WDR76: variants seen among roughly 807,000 people sequenced by gnomAD.
WDR76 encodes the protein WD repeat-containing protein 76.
Under a neutral mutation model 70.2 loss-of-function variants are expected in WDR76, and 52 were observed. The observed-to-expected ratio is 0.74, with a 90% CI of 0.59 to 0.93. The LOEUF is 0.93. WDR76 is among the 40% of genes least tolerant of loss of function. WDR76 has a pLI of 0.00. For synonymous variants in WDR76, 292 were observed against 271.1 expected (o/e 1.08, Z -0.76); for missense variants, 756 against 760.2 (o/e 0.99, Z 0.07).
intron 8 of WDR76, among the ~76,000 whole-genome samples, chr15:43,845,794 C>G (rs566233398): frequency 1.5e-4 from 23 of 150,322 alleles, no homozygotes; most frequent in African/African-American, 5.6e-4. Context: ...AGTTAATGTT[C>G]TCTGAATTTA....
chr15:43,845,014 T>G (rs2140304102), intron 8 of WDR76, among the ~76,000 whole-genome samples: 1 of 127,920 alleles, frequency 7.8e-6, no homozygotes, highest in African/African-American at 2.8e-5. Flanking sequence ...CAGGCTGGAG[T>G]GCAGTGGTGT....
chr15:43,863,021 C>T (rs746958371), intron 12 of WDR76, among the ~76,000 whole-genome samples: 5 of 152,068 alleles, frequency 3.3e-5, no homozygotes, highest in African/African-American at 4.8e-5. Context: ...CTGCAGCCTC[C>T]GCCTCCTGGG....
rs1009410702 is a variant in WDR76, at chr15:43,827,002, G to C, written c.-31G>C. The C allele has an allele frequency of 3.7e-6, 6 of 1,612,190 alleles. No homozygotes were observed. Among genetic ancestry groups the C allele is most frequent in the Non-Finnish European group, 5.1e-6 (6 of 1,179,578 alleles). On this transcript the variant is annotated 5_prime_UTR_variant, in exon 1 of 13. Transcript: ENST00000263795. ...CCCGGCCTCCCGCCGCAATCTTGGC[G>C]GGAAGGCGCCGGCCGCTAAGAAGCC...
intron 2 of WDR76, among the ~76,000 whole-genome samples, chr15:43,833,562 G>T (rs904215074): frequency 1.3e-5 from 2 of 151,376 alleles, no homozygotes; most frequent in African/African-American, 2.4e-5. Context: ...CTTGTGATCT[G>T]CCTGCCTCTG....
In WDR76 at chr15:43,868,203, A is replaced by G. The variant is rs917446801; in HGVS notation, c.*1811A>G. On this transcript the variant is annotated 3_prime_UTR_variant, in exon 13 of 13. Coordinates refer to ENST00000263795, the MANE Select transcript of WDR76 (RefSeq NM_024908.4). ...AGGTTGAGTTATAATTAAACTGTTC[A>G]GGAAACATCGTAAAGGCTTTAGGCT... The G allele has an allele frequency of 6.6e-6, 1 of 152,230 alleles. No homozygotes were observed. Among genetic ancestry groups the G allele is most frequent in the Non-Finnish European group, 1.5e-5 (1 of 68,022 alleles). The allele number at this position is 152,230 out of a possible 1,614,324, so 9.4% of individuals were successfully genotyped here. A position where few individuals can be genotyped will look rare whatever the true frequency, so the allele number is the denominator to read the frequency against.
At chr15:43,832,752 T>TTG (rs2087607272) in intron 2 of WDR76, among the ~76,000 whole-genome samples, 1 of 131,224 alleles carries the variant, frequency 7.6e-6, no homozygotes, top group Non-Finnish European at 1.6e-5. Flanking sequence ...TGTTTTTTTT[T>TTG]TTTTTTTTTT....
At chr15:43,835,425 G>C (rs1320974275) in intron 3 of WDR76, among the ~76,000 whole-genome samples, 2 of 151,616 alleles carry the variant, frequency 1.3e-5, no homozygotes, top group African/African-American at 4.8e-5. Context: ...GAAAGTCAAG[G>C]CTGCCGTGAG....
intron 10 of WDR76, 120 bp from the exon 11 acceptor site, chr15:43,858,551 T>C: frequency 7.6e-7 from 1 of 1,308,754 alleles, no homozygotes; most frequent in Non-Finnish European, 1.0e-6. Flanking sequence ...TGGCTGAGAG[T>C]TCTGTCTTAA....
At chr15:43,848,605 C>T (rs938722593) in intron 8 of WDR76, among the ~76,000 whole-genome samples, 2 of 152,110 alleles carry the variant, frequency 1.3e-5, no homozygotes, top group Non-Finnish European at 2.9e-5. Flanking sequence ...GTGGTAACAC[C>T]CTCCACCGCC....
chr15:43,827,226 A>G (rs968752745), intron 1 of WDR76, 134 bp downstream of exon 1: 18 of 1,030,466 alleles, frequency 1.7e-5, no homozygotes, highest in Non-Finnish European at 2.4e-5. Flanking sequence ...TTAGGCCTTC[A>G]GCTTTGACGA....
At chr15:43,851,923 G>A (rs1271022835) in intron 9 of WDR76, among the ~76,000 whole-genome samples, 2 of 151,960 alleles carry the variant, frequency 1.3e-5, no homozygotes, top group Non-Finnish European at 2.9e-5. Flanking sequence ...TTAGCTTGGT[G>A]TGGTGGCATG....
intron 8 of WDR76, 114 bp downstream of exon 8, chr15:43,844,168 C>A: frequency 1.3e-6 from 1 of 797,238 alleles, no homozygotes; most frequent in Non-Finnish European, 1.8e-6. Flanking sequence ...CAATTTTGGG[C>A]TTTATGATGC....
intron 9 of WDR76, among the ~76,000 whole-genome samples, chr15:43,856,000 T>G (rs527632985): frequency 1.3e-5 from 2 of 152,342 alleles, no homozygotes; most frequent in East Asian, 1.9e-4. Flanking sequence ...TACAAGCATA[T>G]AGTTATACAT....
At chr15:43,832,387 A>T (rs1596066191) in intron 2 of WDR76, among the ~76,000 whole-genome samples, 1 of 147,498 alleles carries the variant, frequency 6.8e-6, no homozygotes, top group Non-Finnish European at 1.5e-5. Context: ...CTATCACTTT[A>T]AAAAAAAAAA....
At chr15:43,842,232 T>A (rs2087733942) in intron 5 of WDR76, among the ~76,000 whole-genome samples, 183 bp from the exon 6 acceptor site, 1 of 152,332 alleles carries the variant, frequency 6.6e-6, no homozygotes, top group Non-Finnish European at 1.5e-5. Flanking sequence ...CATGTTATTA[T>A]TACTTTATAG....
rs1355026026 is a variant in WDR76, at chr15:43,867,208, A to G, written c.*816A>G. 1 of 152,136 alleles carries G rather than the reference A, an allele frequency of 6.6e-6. No individual in the cohort carries two copies. The highest frequency in any genetic ancestry group is 6.6e-5 in the Admixed American group (1 of 15,262). 9.4% of individuals were successfully genotyped at this position (152,136 alleles called of 1,614,324 possible). Reference sequence around the variant, plus strand: ...TAAGTCTTACGTGAAATGCCAAGATAATTGCTGAGCAGCTTTGGTTACCCA... The same window carrying G: ...TAAGTCTTACGTGAAATGCCAAGATGATTGCTGAGCAGCTTTGGTTACCCA... On this transcript the variant is annotated 3_prime_UTR_variant, in exon 13 of 13. Coordinates refer to ENST00000263795, the MANE Select transcript of WDR76 (RefSeq NM_024908.4).
At chr15:43,860,910 C>CTTTTTTTTTTTTT (rs34504509) in intron 11 of WDR76, among the ~76,000 whole-genome samples, 1 of 78,994 alleles carries the variant, frequency 1.3e-5, no homozygotes, top group African/African-American at 5.7e-5. Flanking sequence ...TGATCTTACT[C>CTTTTTTTTTTTTT]TTTTTTTTTT....
rs373354536 is a variant in WDR76, at chr15:43,842,735, C to T, written c.878+64C>T. 2.9e-4 allele frequency: 427 copies of T among 1,455,584 alleles called. 2 individuals are homozygous for T. The highest frequency in any genetic ancestry group is 1.9e-3 in the African/African-American group (133 of 70,308). The allele number at this position is 1,455,584 out of a possible 1,614,324, so 90.2% of individuals were successfully genotyped here. On this transcript the variant is annotated intron_variant, in intron 7 of 12. Transcript: ENST00000263795. Reference sequence around the variant, plus strand: ...AGATGTTTGAGTTATAAAGACTATACGCCATTTTAGGGAATTTTGAAAGTG... The same window carrying T: ...AGATGTTTGAGTTATAAAGACTATATGCCATTTTAGGGAATTTTGAAAGTG...
chr15:43,835,590 G>A (rs896960836), intron 3 of WDR76, among the ~76,000 whole-genome samples: 3 of 151,902 alleles, frequency 2.0e-5, no homozygotes, highest in Non-Finnish European at 4.4e-5. Context: ...GGGTAAAATT[G>A]GAGCAGGTTT....
Sources: gnomAD v4.1 joint callset for allele counts (sites outside exome capture counted in the v4.1 genomes callset) on GRCh38, gnomAD v4.1.1 for gene constraint, MANE v1.5 for transcripts, NCBI Gene and HGNC (gene_info 2026-07-23, HGNC 2026-07-21) for gene names.